SMU1: variants seen among roughly 807,000 people sequenced by gnomAD.
SMU1 encodes SMU1 DNA replication regulator and spliceosomal factor.
Under a neutral mutation model 62.0 loss-of-function variants are expected in SMU1, and 2 were observed. That is an observed-to-expected ratio of 0.03 (90% CI 0.01 to 0.10). SMU1 has a LOEUF of 0.10. SMU1 is among the 10% of genes least tolerant of loss of function. The pLI, the probability that SMU1 is intolerant of heterozygous loss-of-function variation, is 1.00. For missense variants in SMU1, 227 were observed against 622.1 expected (o/e 0.36, Z 6.76); for synonymous variants, 188 against 212.4 (o/e 0.89, Z 1.00).
In SMU1 at chr9:33,045,252, CTAACTT is replaced by C. The variant is rs1314161921; in HGVS notation, c.*2035_*2040del. 1 of 152,176 alleles carries C rather than the reference CTAACTT, an allele frequency of 6.6e-6. No individual in the cohort carries two copies. The highest frequency in any genetic ancestry group is 1.5e-5 in the Non-Finnish European group (1 of 68,048). 9.4% of individuals were successfully genotyped at this position (152,176 alleles called of 1,614,324 possible). Reference sequence around the variant, plus strand: ...ATTTTTTTAGCATAAACTGTTTCCTCTAACTTAAACTTCTCTTAAGTGAACGTGTCT... The same window carrying C: ...ATTTTTTTAGCATAAACTGTTTCCTCAAACTTCTCTTAAGTGAACGTGTCT... On this transcript the variant is annotated 3_prime_UTR_variant, in exon 12 of 12. Transcript: ENST00000397149.
intron 3 of SMU1, among the ~76,000 whole-genome samples, chr9:33,071,019 T>C (rs1839479909): frequency 6.6e-6 from 1 of 152,176 alleles, no homozygotes; most frequent in Non-Finnish European, 1.5e-5. Flanking sequence ...CTGAAAGAAT[T>C]GAATTGTTTG....
chr9:33,072,971 T>C (rs1049054444), intron 2 of SMU1, among the ~76,000 whole-genome samples: 34 of 152,234 alleles, frequency 2.2e-4, no homozygotes, highest in Admixed American at 2.2e-3. Flanking sequence ...TCCTAGGTTC[T>C]TGGCTTGGAG....
rs141620295 is a variant in SMU1 at position 33,043,992 on chromosome 9, TAA to T, written c.*3299_*3300del. The T allele has an allele frequency of 0.14, 16,207 of 118,096 alleles. 1,170 individuals carry two copies. The highest frequency in any genetic ancestry group is 0.22 in the African/African-American group (7,119 of 32,240). The allele number at this position is 118,096 out of a possible 1,614,324, so 7.3% of individuals were successfully genotyped here. ...ACCTGAGATTTATACCATTTGCTGT[TAA>T]AAAAAAAAAAAAAAAAAAAGCCATA... On this transcript the variant is annotated 3_prime_UTR_variant, in exon 12 of 12. Coordinates refer to ENST00000397149, the MANE Select transcript of SMU1 (RefSeq NM_018225.3).
At chr9:33,068,250 G>C (rs1839444643) in intron 4 of SMU1, among the ~76,000 whole-genome samples, 1 of 152,214 alleles carries the variant, frequency 6.6e-6, no homozygotes, top group African/African-American at 2.4e-5. Flanking sequence ...TTCTGGCATA[G>C]GGATCAACTG....
intron 9 of SMU1, among the ~76,000 whole-genome samples, chr9:33,054,964 A>G (rs1204992636): frequency 2.0e-5 from 3 of 152,218 alleles, no homozygotes; most frequent in Non-Finnish European, 4.4e-5. Flanking sequence ...GGAACCTTAG[A>G]TAAGCCATCT....
intron 6 of SMU1, 124 bp downstream of exon 6, chr9:33,060,341 A>G (rs1839349070): frequency 2.3e-6 from 2 of 860,392 alleles, no homozygotes; most frequent in Non-Finnish European, 3.5e-6. Context: ...TTTAATTACA[A>G]AAGTAATACA....
rs10758180 is a variant in SMU1 at position 33,045,149 on chromosome 9, A to G, written c.*2144T>C. 63,568 of 152,002 alleles carry G rather than the reference A, an allele frequency of 0.42. 13,556 individuals carry two copies. The highest frequency in any genetic ancestry group is 0.48 in the African/African-American group (19,754 of 41,466). 9.4% of individuals were successfully genotyped at this position (152,002 alleles called of 1,614,324 possible). On this transcript the variant is annotated 3_prime_UTR_variant, in exon 12 of 12. Transcript: ENST00000397149. ...AGATTCTCCATCTTCATAAACGGTG[A>G]TACAAACTATGCACATCATAACTAC...
chr9:33,041,967 T>G lies in SMU1; in HGVS notation c.*5326A>C, dbSNP rs1315876280. On this transcript the variant is annotated 3_prime_UTR_variant, in exon 12 of 12. Coordinates refer to ENST00000397149, the MANE Select transcript of SMU1 (RefSeq NM_018225.3). ...GGGAAGGAGAAGTTAATTGACAATGTTACAGGGCTTCTGTTTAGGGTGATG... is the reference window on the plus strand; with the variant it reads ...GGGAAGGAGAAGTTAATTGACAATGGTACAGGGCTTCTGTTTAGGGTGATG... 1 of 152,240 alleles carries G rather than the reference T, an allele frequency of 6.6e-6. No individual in the cohort carries two copies. Among genetic ancestry groups the G allele is most frequent in the Non-Finnish European group, 1.5e-5 (1 of 68,036 alleles). The allele number at this position is 152,240 out of a possible 1,614,324, so 9.4% of individuals were successfully genotyped here.
rs1314677505 is a variant in SMU1, at chr9:33,043,772, C to T, written c.*3521G>A. On this transcript the variant is annotated 3_prime_UTR_variant, in exon 12 of 12. Transcript: ENST00000397149. ...CACATCTGGTTTTCAATGCGAGCTTCGTGCAAGTTGGACTGAGTTAGGTGC... is the reference window on the plus strand; with the variant it reads ...CACATCTGGTTTTCAATGCGAGCTTTGTGCAAGTTGGACTGAGTTAGGTGC... The T allele has an allele frequency of 6.6e-6, 1 of 152,198 alleles. No homozygotes were observed. The highest frequency in any genetic ancestry group is 2.4e-5 in the African/African-American group (1 of 41,428). 9.4% of individuals were successfully genotyped at this position (152,198 alleles called of 1,614,324 possible). A position where few individuals can be genotyped will look rare whatever the true frequency, so the allele number is the denominator to read the frequency against.
chr9:33,060,702 T>A, intron 5 of SMU1, 118 bp from the exon 6 acceptor site: 1 of 1,335,866 alleles, frequency 7.5e-7, no homozygotes, highest in South Asian at 1.3e-5. Context: ...GCCCATATTA[T>A]AGAGTATTGG....
At chr9:33,055,146 G>A (rs1164715099) in intron 9 of SMU1, among the ~76,000 whole-genome samples, 4 of 151,670 alleles carry the variant, frequency 2.6e-5, no homozygotes, top group African/African-American at 7.3e-5. Flanking sequence ...TTCAGACGGT[G>A]GTCTGACATA....
intron 3 of SMU1, 136 bp downstream of exon 3, chr9:33,071,600 TAAAC>T: frequency 1.1e-6 from 1 of 881,008 alleles, no homozygotes. Context: ...CCAACATATA[TAAAC>T]AGAGAAGCAT....
At chr9:33,062,827 A>C (rs1839377980) in intron 4 of SMU1, among the ~76,000 whole-genome samples, 1 of 152,234 alleles carries the variant, frequency 6.6e-6, no homozygotes, top group African/African-American at 2.4e-5. Context: ...CTGGAAAAGA[A>C]ATTACCAAAT....
At chr9:33,075,878 A>G (rs1338373985) in intron 1 of SMU1, among the ~76,000 whole-genome samples, 3 of 152,332 alleles carry the variant, frequency 2.0e-5, no homozygotes, top group Non-Finnish European at 2.9e-5. Context: ...TTCTTTAGTC[A>G]CTAATTCTCA....
At chr9:33,052,166 A>G (rs1005014595) in intron 10 of SMU1, among the ~76,000 whole-genome samples, 3 of 152,182 alleles carry the variant, frequency 2.0e-5, no homozygotes, top group African/African-American at 7.2e-5. Flanking sequence ...GGTTATATCT[A>G]AATAAGATCT....
chr9:33,060,422 T>G (rs1361525634), intron 6 of SMU1, 43 bp downstream of exon 6: 1 of 1,550,576 alleles, frequency 6.4e-7, no homozygotes, highest in Non-Finnish European at 8.7e-7. Flanking sequence ...TCAAAGCAGG[T>G]AATTTTTCCA....
At chr9:33,054,334 G>A (rs1839282957) in intron 9 of SMU1, among the ~76,000 whole-genome samples, 3 of 152,100 alleles carry the variant, frequency 2.0e-5, no homozygotes, top group Non-Finnish European at 4.4e-5. Flanking sequence ...AGGCTTTTTA[G>A]CTTGAGACTC....
intron 1 of SMU1, among the ~76,000 whole-genome samples, chr9:33,075,407 C>T (rs1398070823): frequency 6.6e-6 from 1 of 152,070 alleles, no homozygotes; most frequent in Non-Finnish European, 1.5e-5. Context: ...ATTGCTGCTA[C>T]CTGCAGTAGT....
At chr9:33,070,365 C>T (rs924600575) in intron 3 of SMU1, among the ~76,000 whole-genome samples, 2 of 151,934 alleles carry the variant, frequency 1.3e-5, no homozygotes, top group Non-Finnish European at 2.9e-5. Flanking sequence ...GGCTTTTATA[C>T]AAAAAGACAG....
Sources: allele counts gnomAD v4.1 joint callset (sites outside exome capture counted in the v4.1 genomes callset), GRCh38; gene constraint gnomAD v4.1.1; transcripts MANE v1.5; gene names NCBI Gene and HGNC (gene_info 2026-07-23, HGNC 2026-07-21).